Variants in BRD4 observed in about 807,000 individuals in gnomAD.
BRD4 encodes the protein bromodomain-containing protein 4.
In BRD4, 16 loss-of-function variants were observed where a neutral mutation model predicts 142.1. The observed-to-expected ratio is 0.11, with a 90% CI of 0.08 to 0.17. The LOEUF is 0.17. Among genes scored for constraint, BRD4 ranks in the 10% least tolerant of loss-of-function variants. The probability of loss-of-function intolerance (pLI) is 1.00; values close to 1 mark genes in which losing one functional copy is unlikely to be tolerated. For synonymous variants in BRD4, 833 were observed against 707.5 expected (o/e 1.18, Z -2.82); for missense variants, 1,424 against 1,810.9 (o/e 0.79, Z 3.88).
At chr19:15,324,934 CAG>C (rs965926211) in intron 1 of BRD4, among the ~76,000 whole-genome samples, 1 of 152,180 alleles carries the variant, frequency 6.6e-6, no homozygotes, top group African/African-American at 2.4e-5. Context: ...GGTCTCCACT[CAG>C]AGCTCACTTG....
rs2145510940 is a variant in BRD4 at position 15,243,126 on chromosome 19, C to T, written c.2943G>A (p.Gln981=). ...GCTGCTGCTGGGGTGGAGGCTGGGG[C>T]TGGGGTGGTGGGGGTGGTGGCGGCT... The part of the protein sequence containing the change: ...QQQPPPPPPP[Q]PQPPPQQQHQ... The change falls in exon 14 of 20, where the codon CAG becomes CAA. Residue 981 remains glutamine (Q), a synonymous_variant. Transcript: ENST00000679869. 2.9e-6 allele frequency: 1 copy of T among 347,316 alleles called. No homozygotes were observed. Among genetic ancestry groups the T allele is most frequent in the South Asian group, 3.1e-5 (1 of 31,940 alleles). The allele number at this position is 347,316 out of a possible 1,614,324, so 21.5% of individuals were successfully genotyped here. A position where few individuals can be genotyped will look rare whatever the true frequency, so the allele number is the denominator to read the frequency against.
Position 15,242,910 on chromosome 19 carries a change from G to A in BRD4, c.3159C>T (p.Pro1053=). The change falls in exon 14 of 20, where the codon CCC becomes CCT. Residue 1053 remains proline (P), a synonymous_variant. Transcript: ENST00000679869. Reference sequence around the variant, plus strand: ...GTGAGGACCACTTACCGGTTGAGTAGGGGTCCGACTTGTGGTGCCGGGGTG... The same window carrying A: ...GTGAGGACCACTTACCGGTTGAGTAAGGGTCCGACTTGTGGTGCCGGGGTG... ...HHSPRHHKSD[P]YSTGHLREAP... 6.2e-7 allele frequency: 1 copy of A among 1,607,362 alleles called. No individual in the cohort carries two copies. Among genetic ancestry groups the A allele is most frequent in the East Asian group, 2.2e-5 (1 of 44,680 alleles).
At chr19:15,269,223 C>T (rs1363568492) in intron 2 of BRD4, among the ~76,000 whole-genome samples, 181 bp from the exon 3 acceptor site, 1 of 151,796 alleles carries the variant, frequency 6.6e-6, no homozygotes, top group East Asian at 1.9e-4. Context: ...TAAAGTGGAG[C>T]GGGGAAGGGT....
intron 7 of BRD4, among the ~76,000 whole-genome samples, chr19:15,261,764 C>G (rs1670084414): frequency 1.3e-5 from 2 of 152,046 alleles, no homozygotes; most frequent in African/African-American, 4.8e-5. Context: ...AATACAGTGA[C>G]ATGCCATCTC....
intron 4 of BRD4, among the ~76,000 whole-genome samples, chr19:15,266,225 G>A (rs1035776035): frequency 6.6e-6 from 1 of 152,214 alleles, no homozygotes; most frequent in Non-Finnish European, 1.5e-5. Flanking sequence ...CAAAAAGTGA[G>A]GGGTTATGGC....
At chr19:15,286,984 A>AG (rs1373911498) in intron 1 of BRD4, among the ~76,000 whole-genome samples, 1 of 152,188 alleles carries the variant, frequency 6.6e-6, no homozygotes, top group African/African-American at 2.4e-5. Flanking sequence ...AATACTACAC[A>AG]TTCAGGCTGG....
chr19:15,316,134 C>T (rs1462778367), intron 1 of BRD4, among the ~76,000 whole-genome samples: 3 of 120,714 alleles, frequency 2.5e-5, no homozygotes, highest in African/African-American at 6.6e-5. Flanking sequence ...CCAGACTGGG[C>T]GACAGAGCGA....
chr19:15,264,453 T>C lies in BRD4; in HGVS notation c.1163A>G (p.His388Arg). 6.2e-7 allele frequency: 1 copy of C among 1,613,946 alleles called. No homozygotes were observed. The change falls in exon 6 of 20, where the codon CAC becomes CGC. Residue 388 changes from histidine to arginine, a missense_variant. By Grantham distance (29) the His-to-Arg change is conservative (BLOSUM62 0). Coordinates refer to ENST00000679869, the MANE Select transcript of BRD4 (RefSeq NM_001379291.1). ...KPVDVEALGL[H>R]DYCDIIKHPM... The stretch of plus-strand genomic sequence containing the variant: ...GTGCTTGATGATGTCACAGTAGTCG[T>C]GTAGGCCCAGTGCCTCCACGTCCAC...
intron 1 of BRD4, among the ~76,000 whole-genome samples, chr19:15,324,521 C>A (rs1213888532): frequency 6.6e-6 from 1 of 152,152 alleles, no homozygotes; most frequent in East Asian, 1.9e-4. Context: ...ATTACTCTAC[C>A]AAACTTTTCC....
intron 1 of BRD4, among the ~76,000 whole-genome samples, chr19:15,321,173 G>A (rs111737835): frequency 1.3e-3 from 198 of 152,074 alleles, no homozygotes; most frequent in African/African-American, 4.6e-3. Flanking sequence ...GCAGTGAGCC[G>A]AGATGGTGCC....
At chr19:15,272,479 G>A (rs772572990) in intron 2 of BRD4, among the ~76,000 whole-genome samples, 4 of 152,170 alleles carry the variant, frequency 2.6e-5, no homozygotes, top group African/African-American at 4.8e-5. Context: ...CCTGAGAAAT[G>A]AAGGGGCTAG....
intron 1 of BRD4, among the ~76,000 whole-genome samples, chr19:15,329,773 C>A (rs1193074925): frequency 1.3e-5 from 2 of 152,094 alleles, no homozygotes; most frequent in Non-Finnish European, 2.9e-5. Context: ...AAAATTCAAT[C>A]TCTTAAATCT....
At chr19:15,332,232 G>C (rs894959591) in intron 1 of BRD4, 58 bp downstream of exon 1, 9 of 147,228 alleles carry the variant, frequency 6.1e-5, no homozygotes, top group Non-Finnish European at 1.4e-4. Flanking sequence ...GGACCGCGCC[G>C]CGAGCCTCCG....
At chr19:15,318,474 T>C (rs1207370821) in intron 1 of BRD4, among the ~76,000 whole-genome samples, 3 of 152,212 alleles carry the variant, frequency 2.0e-5, no homozygotes, top group Non-Finnish European at 4.4e-5. Context: ...CTGTGTACAC[T>C]GCTTGGTGTA....
intron 1 of BRD4, among the ~76,000 whole-genome samples, chr19:15,319,754 G>C (rs2048045571): frequency 6.6e-6 from 1 of 152,060 alleles, no homozygotes; most frequent in Non-Finnish European, 1.5e-5. Context: ...AAGCAACATG[G>C]TGAAACCCCG....
At chr19:15,251,318 C>T (rs1233108339) in intron 11 of BRD4, among the ~76,000 whole-genome samples, 3 of 150,990 alleles carry the variant, frequency 2.0e-5, no homozygotes, top group Non-Finnish European at 4.4e-5. Context: ...TGACTCCATT[C>T]GTTTTCTTCT....
intron 4 of BRD4, among the ~76,000 whole-genome samples, chr19:15,266,682 C>G (rs1020364234): frequency 6.6e-6 from 1 of 152,206 alleles, no homozygotes; most frequent in Non-Finnish European, 1.5e-5. Context: ...GATGTAGCAA[C>G]CCCCTTTCTG....
chr19:15,279,189 G>C (rs1227049738), intron 1 of BRD4, among the ~76,000 whole-genome samples: 2 of 152,134 alleles, frequency 1.3e-5, no homozygotes, highest in Non-Finnish European at 2.9e-5. Context: ...ATATTTAAGT[G>C]AATTTTGGGA....
chr19:15,249,406 G>A (rs1416396521), intron 11 of BRD4: 7 of 1,569,040 alleles, frequency 4.5e-6, no homozygotes, highest in Non-Finnish European at 4.3e-6. Context: ...GGTGGCTGAT[G>A]GGCACAAGAA....
Sources: gnomAD v4.1 joint callset for allele counts (sites outside exome capture counted in the v4.1 genomes callset) on GRCh38, gnomAD v4.1.1 for gene constraint, MANE v1.5 for transcripts, NCBI Gene and HGNC (gene_info 2026-07-23, HGNC 2026-07-21) for gene names.